The following FNBP1 variants were observed in gnomAD, a reference collection of about 807,000 sequenced individuals.
The protein encoded by FNBP1 is formin binding protein 1.
Under a neutral mutation model 90.6 loss-of-function variants are expected in FNBP1, and 26 were observed. The observed-to-expected ratio is 0.29, with a 90% CI of 0.21 to 0.40. The LOEUF is 0.40. Among genes scored for constraint, FNBP1 ranks in the 10% least tolerant of loss-of-function variants. FNBP1 has a pLI of 1.00. For missense variants in FNBP1, 635 were observed against 768.0 expected (o/e 0.83, Z 2.05); for synonymous variants, 260 against 265.2 (o/e 0.98, Z 0.19).
rs556492596 is a variant in FNBP1, at chr9:129,890,516, C to T, written c.*23G>A. On this transcript the variant is annotated 3_prime_UTR_variant, in exon 17 of 17. Coordinates refer to ENST00000446176, the MANE Select transcript of FNBP1 (RefSeq NM_015033.3). This position sits in a 1 kb window ranked among gnomAD's most constrained non-coding sequence, Gnocchi z 5.8. ...CGGAGGCTCCTCCAGGAAGGCTCAC[C>T]CGAGGCTCGCAGGCACTCCCCTCTA... The T allele has an allele frequency of 1.0e-4, 162 of 1,582,264 alleles. 4 individuals carry two copies. In the South Asian group the frequency reaches 1.8e-3, roughly 18 times the overall value.
At chr9:129,996,930 A>T (rs1482743007) in intron 1 of FNBP1, among the ~76,000 whole-genome samples, 1 of 152,002 alleles carries the variant, frequency 6.6e-6, no homozygotes, top group African/African-American at 2.4e-5. Flanking sequence ...CCTGGGCTCA[A>T]GTGATCCTCC....
intron 2 of FNBP1, among the ~76,000 whole-genome samples, chr9:129,990,559 A>G (rs961504914): frequency 1.3e-5 from 2 of 152,222 alleles, no homozygotes; most frequent in Non-Finnish European, 2.9e-5. Flanking sequence ...TGATGTCAGA[A>G]AGGTGTGGGA....
rs992116972 is a variant in FNBP1, at chr9:129,916,032, GAA to G, written c.1171-54_1171-53del. On this transcript the variant is annotated intron_variant, in intron 10 of 16. Coordinates refer to ENST00000446176, the MANE Select transcript of FNBP1 (RefSeq NM_015033.3). ...GGAAAAATAGAGAGAAAGAGAGAGA[GAA>G]AGAGAAAAAAAAACAACAACACATC... 95 of 1,238,322 alleles carry G rather than the reference GAA, an allele frequency of 7.7e-5. No individual in the cohort carries two copies. In the Admixed American group the frequency reaches 8.9e-4, roughly 12 times the overall value. The allele number at this position is 1,238,322 out of a possible 1,614,324, so 76.7% of individuals were successfully genotyped here.
intron 1 of FNBP1, among the ~76,000 whole-genome samples, chr9:130,002,850 A>G (rs770503787): frequency 2.0e-5 from 3 of 152,086 alleles, no homozygotes; most frequent in Non-Finnish European, 4.4e-5. Flanking sequence ...CACTCACCCA[A>G]CATCACACTT....
chr9:130,024,932 C>A (rs561522478), intron 1 of FNBP1, among the ~76,000 whole-genome samples: 43 of 152,286 alleles, frequency 2.8e-4, no homozygotes, highest in South Asian at 1.2e-3. Context: ...GTAATCCCAG[C>A]ACTTTGGGAG....
rs1158994490 is a variant in FNBP1 at position 129,895,828 on chromosome 9, G to C, written c.1846+10C>G. 2.5e-6 allele frequency: 4 copies of C among 1,587,920 alleles called. No homozygotes were observed. The African/African-American group carries it at 5.4e-5, about 22-fold the overall frequency. On this transcript the variant is annotated intron_variant, in intron 16 of 16. Coordinates refer to ENST00000446176, the MANE Select transcript of FNBP1 (RefSeq NM_015033.3). ...TTTTTTTTTATGGTATTAAATATAA[G>C]TCTTAGCACCTTTGGCATTTTTGTC...
intron 6 of FNBP1, among the ~76,000 whole-genome samples, chr9:129,946,102 G>A (rs570212493): frequency 1.3e-4 from 20 of 152,216 alleles, no homozygotes; most frequent in African/African-American, 4.6e-4. Context: ...CCAGGAGGTG[G>A]AAGTTGCAGT....
intron 6 of FNBP1, among the ~76,000 whole-genome samples, chr9:129,938,405 C>T (rs2043818465): frequency 6.6e-6 from 1 of 151,994 alleles, no homozygotes; most frequent in Non-Finnish European, 1.5e-5. Flanking sequence ...TTGGAGACTT[C>T]CAGGCCAGGA....
rs182772109 is a variant in FNBP1, at chr9:129,945,258, A to G, written c.513+12102T>C. Among the ~76,000 whole-genome samples, 133 of 152,336 alleles carry G rather than the reference A, an allele frequency of 8.7e-4. 2 individuals are homozygous for G. Among genetic ancestry groups the G allele is most frequent in the Admixed American group, 7.5e-3 (115 of 15,294 alleles). On this transcript the variant is annotated intron_variant, in intron 6 of 16. Coordinates refer to ENST00000446176, the MANE Select transcript of FNBP1 (RefSeq NM_015033.3). Reference sequence around the variant, plus strand: ...ATATCCATTTTTGGTAATACTTATAATAAAATTCTTTATACTTTTCTCTTC... The same window carrying G: ...ATATCCATTTTTGGTAATACTTATAGTAAAATTCTTTATACTTTTCTCTTC...
At chr9:129,950,803 CTTTTT>C (rs1472818438) in intron 6 of FNBP1, among the ~76,000 whole-genome samples, 2 of 151,556 alleles carry the variant, frequency 1.3e-5, no homozygotes, top group Non-Finnish European at 2.9e-5. Context: ...GTACCTTTTT[CTTTTT>C]TTTGAGACAG....
intron 6 of FNBP1, among the ~76,000 whole-genome samples, chr9:129,940,124 C>T (rs1159119990): frequency 2.6e-5 from 4 of 152,092 alleles, no homozygotes; most frequent in Non-Finnish European, 5.9e-5. Context: ...TCACTTGAGC[C>T]CGGGAGTTCG....
intron 6 of FNBP1, chr9:129,936,423 C>A (rs569168075): frequency 1.3e-5 from 2 of 152,252 alleles, no homozygotes; most frequent in Admixed American, 1.3e-4. Context: ...TGGCGGCCAC[C>A]CAGAGGCTGG....
At chr9:130,030,836 G>A (rs2058741145) in intron 1 of FNBP1, among the ~76,000 whole-genome samples, 1 of 152,146 alleles carries the variant, frequency 6.6e-6, no homozygotes, top group South Asian at 2.1e-4. Context: ...CAGGCATATT[G>A]AAAATAAGAA....
chr9:129,992,546 G>A (rs1466872431), intron 2 of FNBP1, among the ~76,000 whole-genome samples: 1 of 117,440 alleles, frequency 8.5e-6, no homozygotes, highest in South Asian at 2.9e-4. Context: ...AGAACACATA[G>A]CTCTTTTTTT....
At chr9:129,950,967 ATTTTT>A (rs56088978) in intron 6 of FNBP1, among the ~76,000 whole-genome samples, 23 of 98,432 alleles carry the variant, frequency 2.3e-4, no homozygotes, top group South Asian at 3.4e-4. Context: ...CTAATTTTTA[ATTTTT>A]TTTTTTTTTT....
chr9:130,024,826 C>G (rs955078779), intron 1 of FNBP1, among the ~76,000 whole-genome samples: 1 of 152,170 alleles, frequency 6.6e-6, no homozygotes, highest in South Asian at 2.1e-4. Flanking sequence ...ACCTTACTCA[C>G]TTGCTGATCT....
intron 2 of FNBP1, among the ~76,000 whole-genome samples, chr9:129,988,555 T>C (rs2052650165): frequency 6.6e-6 from 1 of 152,000 alleles, no homozygotes. Context: ...TGTGCGCCTG[T>C]AGTCCCAGCT....
At chr9:129,941,012 T>C (rs998215058) in intron 6 of FNBP1, among the ~76,000 whole-genome samples, 6 of 152,184 alleles carry the variant, frequency 3.9e-5, no homozygotes, top group Non-Finnish European at 7.3e-5. Flanking sequence ...AAACATCATA[T>C]TGATGCCATG....
At chr9:129,914,757 C>CTATATATATATATATATATATA (rs756342214) in intron 11 of FNBP1, among the ~76,000 whole-genome samples, 1 of 109,992 alleles carries the variant, frequency 9.1e-6, no homozygotes, top group Admixed American at 9.8e-5. Flanking sequence ...ATACATATGT[C>CTATATATATATATATATATATA]TATATATATA....
Sources: allele counts gnomAD v4.1 joint callset (sites outside exome capture counted in the v4.1 genomes callset), GRCh38; gene constraint gnomAD v4.1.1; non-coding constraint Gnocchi (gnomAD v3.1); transcripts MANE v1.5; gene names NCBI Gene and HGNC (gene_info 2026-07-23, HGNC 2026-07-21).